The following OTOF variants were observed in gnomAD, a reference collection of about 807,000 sequenced individuals.
The protein encoded by OTOF is fer-1-like family member 2.
Under a neutral mutation model 236.8 loss-of-function variants are expected in OTOF, and 218 were observed. The observed-to-expected ratio is 0.92, with a 90% CI of 0.82 to 1.03. OTOF has a LOEUF of 1.03. Ranked by LOEUF, OTOF falls within the 50% of genes least tolerant of loss-of-function variation. The pLI is 0.00. For synonymous variants in OTOF, 1,041 were observed against 1,072.5 expected, an observed-to-expected ratio of 0.97 and a Z score of 0.57; for missense variants, 2,590 against 2,694.4, an observed-to-expected ratio of 0.96 and a Z score of 0.86.
rs772384195 is a variant in OTOF, at chr2:26,466,862, C to T, written c.4363-11G>A. The T allele has an allele frequency of 1.9e-6, 3 of 1,614,028 alleles. No homozygotes were observed. The highest frequency in any genetic ancestry group is 2.5e-6 in the Non-Finnish European group (3 of 1,180,040). ...CACGCAGAGGGAGCCCTGGGCAAGA[C>T]AAATGTGGGTCAGGGTGTAGGTTTG... is the stretch of plus-strand genomic sequence containing the variant. On this transcript the variant is annotated splice_polypyrimidine_tract_variant and intron_variant, in intron 35 of 46. Transcript: ENST00000272371.
chr2:26,485,713 G>A (rs2148062787), intron 11 of OTOF, among the ~76,000 whole-genome samples: 1 of 152,316 alleles, frequency 6.6e-6, no homozygotes, highest in Non-Finnish European at 1.5e-5. Flanking sequence ...CGTAGCCCAG[G>A]CCTGTGTCCT....
At position 26,489,654 on chromosome 2, in the gene OTOF, G is replaced by A. The variant is rs372281656; in HGVS notation, c.960+24C>T. ...TGCAGTTTGAGGGAGTGGCCCTGCC[G>A]GCCAGGGGCTGCTCCCCACTCACCG... On this transcript the variant is annotated intron_variant, in intron 10 of 46. Transcript: ENST00000272371. 1,231 of 1,602,346 alleles carry A rather than the reference G, an allele frequency of 7.7e-4. 1 individual carries two copies. In the Middle Eastern group the frequency reaches 8.6e-3, roughly 11 times the overall value.
At chr2:26,516,026 T>A (rs940171230) in intron 5 of OTOF, among the ~76,000 whole-genome samples, 1 of 152,174 alleles carries the variant, frequency 6.6e-6, no homozygotes, top group South Asian at 2.1e-4. Flanking sequence ...TGGGCCAGGG[T>A]AGAGGTCAGG....
At chr2:26,484,379 G>T in intron 12 of OTOF, 95 bp downstream of exon 12, 1 of 1,304,298 alleles carries the variant, frequency 7.7e-7, no homozygotes, top group Non-Finnish European at 1.1e-6. Context: ...TGAGGGAGAC[G>T]GGTGGCAGGT....
rs777658929 is a variant in OTOF, at chr2:26,471,145, A to G, written c.3870T>C (p.Ser1290=). The G allele has an allele frequency of 5.6e-6, 9 of 1,614,082 alleles. No homozygotes were observed. The Admixed American group carries it at 1.5e-4, about 27-fold the overall frequency. The change falls in exon 31 of 47, where the codon TCT becomes TCC. Residue 1290 remains serine, a synonymous_variant. Transcript: ENST00000272371. The part of the protein sequence containing the change: ...LETMVKLDAT[S]EAVVKVDVAE... ...CCACATCCACCTTGACAACAGCTTCAGAAGTCTGCAGAGGAACCAAGGAGA... is the reference window on the plus strand; with the variant it reads ...CCACATCCACCTTGACAACAGCTTCGGAAGTCTGCAGAGGAACCAAGGAGA...
At position 26,460,198 on chromosome 2, in the gene OTOF, C is replaced by A. The variant is rs545842714; in HGVS notation, c.5821G>T (p.Asp1941Tyr). 1 of 1,602,546 alleles carries A rather than the reference C, an allele frequency of 6.2e-7. No homozygotes were observed. Among genetic ancestry groups the A allele is most frequent in the East Asian group, 2.2e-5 (1 of 44,580 alleles). The change falls in exon 46 of 47, where the codon GAC becomes TAC. Residue 1941 changes from aspartate (D) to tyrosine (Y), a missense_variant. Asp to Tyr is a radical substitution (Grantham distance 160). Around this residue, in one of 2 missense-constraint regions of OTOF, gnomAD observed 1,211 missense variants for 1,352.8 expected, o/e 0.90. Transcript: ENST00000272371. The surrounding 1 kb of genome is among the most constrained non-coding windows in gnomAD (Gnocchi z 5.3). The part of the protein sequence containing the change: ...PDPLEKPNRP[D>Y]TSFIWFLNPL... ...TTCAGGAACCAGATGAAGCTCGTGTCGGGCCGGCTGGAGTATGAAGGGTAG... is the reference window on the plus strand; with the variant it reads ...TTCAGGAACCAGATGAAGCTCGTGTAGGGCCGGCTGGAGTATGAAGGGTAG...
At chr2:26,465,434 C>T (rs1664679141) in intron 38 of OTOF, among the ~76,000 whole-genome samples, 1 of 152,222 alleles carries the variant, frequency 6.6e-6, no homozygotes. Context: ...CCTTCCCTAG[C>T]CCACTTGTCT....
At position 26,557,819 on chromosome 2, in the gene OTOF, G is replaced by T. The variant is rs79499133; in HGVS notation, c.79+674C>A. On this transcript the variant is annotated intron_variant, in intron 1 of 46. Coordinates refer to ENST00000272371, the MANE Select transcript of OTOF (RefSeq NM_194248.3). ...CACATACCTGTCCTGCTTGTTCCAC[G>T]CCTGCCCAACAGATGCAGGCTCCTT... 8.1e-3 allele frequency among the ~76,000 whole-genome samples: 1,198 copies of T among 147,990 alleles called. 83 individuals carry two copies. In the East Asian group the frequency reaches 0.18, roughly 22 times the overall value.
chr2:26,553,000 CA>C (rs1398123351), intron 1 of OTOF, among the ~76,000 whole-genome samples: 1 of 152,174 alleles, frequency 6.6e-6, no homozygotes, highest in Admixed American at 6.5e-5. Flanking sequence ...CCTCCTTTAC[CA>C]GGGGCGGCAG....
At chr2:26,522,300 CTCTT>C (rs1260616755) in intron 3 of OTOF, among the ~76,000 whole-genome samples, 1 of 152,182 alleles carries the variant, frequency 6.6e-6, no homozygotes, top group African/African-American at 2.4e-5. Flanking sequence ...TAAACCTTGA[CTCTT>C]TCTACAGGTC....
chr2:26,554,165 C>CAAAA lies in OTOF; in HGVS notation c.79+4324_79+4327dup, dbSNP rs34196608. 9.4e-3 allele frequency among the ~76,000 whole-genome samples: 747 copies of CAAAA among 79,370 alleles called. 16 individuals are homozygous for CAAAA. Among genetic ancestry groups the CAAAA allele is most frequent in the African/African-American group, 0.026 (507 of 19,140 alleles). The allele number at this position is 79,370 out of a possible 152,430, so 52.1% of individuals were successfully genotyped here. On this transcript the variant is annotated intron_variant, in intron 1 of 46. Coordinates refer to ENST00000272371, the MANE Select transcript of OTOF (RefSeq NM_194248.3). ...TCCAGCCTGGCGACAGAGCGAGACT[C>CAAAA]AAAAAAAAAAAAAAAAAAAAAAATC...
chr2:26,475,593 G>T (rs1665218510), intron 24 of OTOF, 100 bp from the exon 25 acceptor site: 1 of 1,315,200 alleles, frequency 7.6e-7, no homozygotes, highest in South Asian at 1.2e-5. Context: ...CGGAACCTGG[G>T]GGCAGGAGTG....
intron 16 of OTOF, 125 bp from the exon 17 acceptor site, chr2:26,479,778 G>T (rs761392615): frequency 3.4e-6 from 3 of 883,862 alleles, no homozygotes; most frequent in African/African-American, 3.3e-5. Context: ...GGGCTCAGAC[G>T]TGACACATCA....
chr2:26,488,485 G>T (rs2148065654), intron 11 of OTOF, among the ~76,000 whole-genome samples: 1 of 152,322 alleles, frequency 6.6e-6, no homozygotes, highest in Admixed American at 6.5e-5. Context: ...ACCCCTTGGG[G>T]TTCCCTTGCC....
intron 4 of OTOF, among the ~76,000 whole-genome samples, 158 bp from the exon 5 acceptor site, chr2:26,516,757 G>A (rs1049878954): frequency 2.6e-5 from 4 of 152,146 alleles, no homozygotes; most frequent in African/African-American, 9.7e-5. Context: ...TTTTGCTGAT[G>A]AGAAAACAGA....
chr2:26,488,401 C>T (rs1161121636), intron 11 of OTOF, among the ~76,000 whole-genome samples: 1 of 152,212 alleles, frequency 6.6e-6, no homozygotes, highest in East Asian at 1.9e-4. Context: ...CCCTAACCTG[C>T]CCACGTGGTG....
Position 26,526,086 on chromosome 2 carries a change from CAAAAA to C in OTOF, c.227+1741_227+1745del, listed in dbSNP as rs796661291. On this transcript the variant is annotated intron_variant, in intron 3 of 46. Coordinates refer to ENST00000272371, the MANE Select transcript of OTOF (RefSeq NM_194248.3). ...TGGGCCACAGAGCAAGACTCTGTCT[CAAAAA>C]AAAAAAAAAAAAAAAGGAAAAGAAA... Among the ~76,000 whole-genome samples the C allele has an allele frequency of 1.0e-4, 6 of 58,436 alleles. No homozygotes were observed. The South Asian group carries it at 3.3e-3, about 32-fold the overall frequency. 38.3% of individuals were successfully genotyped at this position (58,436 alleles called of 152,430 possible).
chr2:26,524,444 G>A (rs1340676764), intron 3 of OTOF, among the ~76,000 whole-genome samples: 1 of 152,232 alleles, frequency 6.6e-6, no homozygotes, highest in African/African-American at 2.4e-5. Flanking sequence ...AGGAGGCAGA[G>A]GTTGCAATGA....
chr2:26,530,780 G>A (rs1666928206), intron 2 of OTOF, among the ~76,000 whole-genome samples: 1 of 152,014 alleles, frequency 6.6e-6, no homozygotes, highest in African/African-American at 2.4e-5. Flanking sequence ...CATCTTGGCT[G>A]GAACTGCAAT....
Sources: gnomAD v4.1 joint callset for allele counts (sites outside exome capture counted in the v4.1 genomes callset) on GRCh38, gnomAD v4.1.1 for gene constraint, gnomAD v4.1.1 regional missense constraint, Gnocchi (gnomAD v3.1) non-coding constraint, MANE v1.5 for transcripts, NCBI Gene and HGNC (gene_info 2026-07-23, HGNC 2026-07-21) for gene names.